The following ACAA1 variants were observed in gnomAD, a reference collection of about 807,000 sequenced individuals.
ACAA1 encodes 3-ketoacyl-CoA thiolase, peroxisomal.
ACAA1 carries 44 observed loss-of-function variants against 48.8 expected under a neutral mutation model. The ratio of observed to expected loss-of-function variants is 0.90; its 90% CI spans 0.71 to 1.16. ACAA1 has a LOEUF of 1.16. ACAA1 is among the 50% of genes most tolerant of loss of function. ACAA1 has a pLI of 0.00. For synonymous variants in ACAA1, 233 were observed against 226.5 expected (o/e 1.03, Z -0.26); for missense variants, 512 against 562.3 (o/e 0.91, Z 0.90).
chr3:38,126,206 C>G lies in ACAA1; in HGVS notation c.953G>C (p.Gly318Ala). 1 of 1,614,198 alleles carries G rather than the reference C, an allele frequency of 6.2e-7. No homozygotes were observed. Among genetic ancestry groups the G allele is most frequent in the South Asian group, 1.1e-5 (1 of 91,088 alleles). ...TGGGATGGCATAGGCAGGTCCAATG[C>G]CCATGATGTCAGGTGGGACCCCAAC... Reference protein sequence around the residue: ...AVVGVPPDIMGIGPAYAIPVA... With the variant: ...AVVGVPPDIMAIGPAYAIPVA... Residue 318 changes from glycine to alanine, a missense_variant, in exon 9 of 12, where the codon GGC (glycine) becomes GCC (alanine). Physicochemically the swap from Gly to Ala is moderately conservative, Grantham distance 60. Transcript: ENST00000333167. The surrounding 1 kb of genome is among the most constrained non-coding windows in gnomAD (Gnocchi z 4.7).
In ACAA1 at chr3:38,136,660, G is replaced by T. The variant is rs746937159; in HGVS notation, c.197C>A (p.Ser66Ter). 1.2e-6 allele frequency: 2 copies of T among 1,613,526 alleles called. No homozygotes were observed. The highest frequency in any genetic ancestry group is 1.7e-5 in the Admixed American group (1 of 59,972). Residue 66 changes from serine to a stop codon, truncating the protein, a stop_gained, in exon 2 of 12, where the codon TCG becomes TAG. Coordinates refer to ENST00000333167, the MANE Select transcript of ACAA1 (RefSeq NM_001607.4). LOFTEE classifies it high-confidence loss of function. ...CTTGAGAACCGCGGTCATGACTGCC[G>T]AGAGAAGCTCGTCGGGGGTGGTGTC... is the stretch of plus-strand genomic sequence containing the variant. ...FKDTTPDELL[S>*]AVMTAVLKDV...
At chr3:38,135,943 G>C (rs184671874) in intron 2 of ACAA1, among the ~76,000 whole-genome samples, 3 of 152,182 alleles carry the variant, frequency 2.0e-5, no homozygotes, top group Non-Finnish European at 4.4e-5. Context: ...AATCTCAGTG[G>C]GGGGAAACCT....
intron 11 of ACAA1, chr3:38,124,726 A>G (rs1273723928): frequency 6.6e-6 from 1 of 152,220 alleles, no homozygotes; most frequent in Non-Finnish European, 1.5e-5. Flanking sequence ...TTTACTGAGG[A>G]AGTTTCAACA....
chr3:38,134,363 C>T, intron 2 of ACAA1: 1 of 422,496 alleles, frequency 2.4e-6, no homozygotes, highest in Non-Finnish European at 4.5e-6. Flanking sequence ...GCTGTCACCC[C>T]AGAGAGGTGG....
At chr3:38,133,649 G>C (rs573399621) in intron 3 of ACAA1, 27 of 405,876 alleles carry the variant, frequency 6.7e-5, no homozygotes, top group South Asian at 3.4e-4. Context: ...ATTCTTACTT[G>C]ATTACTCACC....
intron 4 of ACAA1, 101 bp from the exon 5 acceptor site, chr3:38,131,739 C>T (rs763872514): frequency 7.1e-7 from 1 of 1,418,048 alleles, no homozygotes; most frequent in Admixed American, 1.7e-5. Flanking sequence ...GACTCAGCCC[C>T]AGCCTCAGAA....
chr3:38,129,866 C>A lies in ACAA1; in HGVS notation c.447-478G>T, dbSNP rs1242529986. 6.6e-6 allele frequency among the ~76,000 whole-genome samples: 1 copy of A among 152,090 alleles called. No homozygotes were observed. Among genetic ancestry groups the A allele is most frequent in the East Asian group, 1.9e-4 (1 of 5,176 alleles). On this transcript the variant is annotated intron_variant, in intron 5 of 11. Transcript: ENST00000333167. This position sits in a 1 kb window ranked among gnomAD's most constrained non-coding sequence, Gnocchi z 5.3. Reference sequence around the variant, plus strand: ...CAAGGCGGGCAGATCATGAGGCTAACATGGTGAAACCCCGCCTCTACTAAA... The same window carrying A: ...CAAGGCGGGCAGATCATGAGGCTAAAATGGTGAAACCCCGCCTCTACTAAA...
rs922876523 is a variant in ACAA1 at position 38,136,900 on chromosome 3, T to C, written c.136A>G (p.Thr46Ala). ...ADVVVVHGRRTAICRAGRGGF... is the reference protein window; with the variant it reads ...ADVVVVHGRRAAICRAGRGGF... ...CCGCGGCCCGCCCGGCAGATGGCCGTGCGCCGCCCGTGCACCACCACCACG... is the reference window on the plus strand; with the variant it reads ...CCGCGGCCCGCCCGGCAGATGGCCGCGCGCCGCCCGTGCACCACCACCACG... The change falls in exon 1 of 12, where the codon ACG (threonine) becomes GCG (alanine). Residue 46 changes from threonine to alanine, a missense_variant. Coordinates refer to ENST00000333167, the MANE Select transcript of ACAA1 (RefSeq NM_001607.4). 6.5e-7 allele frequency: 1 copy of C among 1,533,586 alleles called. No homozygotes were observed. Among genetic ancestry groups the C allele is most frequent in the Non-Finnish European group, 8.7e-7 (1 of 1,143,996 alleles). 95.0% of individuals were successfully genotyped at this position (1,533,586 alleles called of 1,614,324 possible). A position where few individuals can be genotyped will look rare whatever the true frequency, so the allele number is the denominator to read the frequency against.
At chr3:38,133,479 A>G (rs1274500303) in intron 3 of ACAA1, 1 of 156,112 alleles carries the variant, frequency 6.4e-6, no homozygotes, top group African/African-American at 2.4e-5. Context: ...AAATAATTTA[A>G]GCACTCTTTA....
rs766757716 is a variant in ACAA1 at position 38,125,678 on chromosome 3, G to C, written c.1086C>G (p.Pro362=). The change falls in exon 11 of 12, where the codon CCC becomes CCG. Residue 362 remains proline (P), a synonymous_variant. Coordinates refer to ENST00000333167, the MANE Select transcript of ACAA1 (RefSeq NM_001607.4). The stretch of plus-strand genomic sequence containing the variant: ...CCCCCAGGGGGTTCACCTTCTCAGG[G>C]GGGAGTCGTAGCTTCTCCACACAGT... The part of the protein sequence containing the change: ...AAYCVEKLRL[P]PEKVNPLGGA... The C allele has an allele frequency of 5.0e-6, 8 of 1,599,998 alleles. No individual in the cohort carries two copies. The highest frequency in any genetic ancestry group is 4.5e-5 in the East Asian group (2 of 44,770).
Position 38,136,647 on chromosome 3 carries a change from G to T in ACAA1, c.210C>A (p.Thr70=). The T allele has an allele frequency of 6.2e-7, 1 of 1,613,886 alleles. No homozygotes were observed. The highest frequency in any genetic ancestry group is 8.5e-7 in the Non-Finnish European group (1 of 1,179,918). Reference sequence around the variant, plus strand: ...TCAGATTCACGTCCTTGAGAACCGCGGTCATGACTGCCGAGAGAAGCTCGT... The same window carrying T: ...TCAGATTCACGTCCTTGAGAACCGCTGTCATGACTGCCGAGAGAAGCTCGT... The part of the protein sequence containing the change: ...TPDELLSAVM[T]AVLKDVNLRP... Residue 70 remains threonine, a synonymous_variant, in exon 2 of 12, where the codon ACC becomes ACA. Coordinates refer to ENST00000333167, the MANE Select transcript of ACAA1 (RefSeq NM_001607.4).
Position 38,129,344 on chromosome 3 carries a change from A to T in ACAA1, c.491T>A (p.Ile164Asn), listed in dbSNP as rs754795142. Residue 164 changes from isoleucine (I) to asparagine (N), a missense_variant, in exon 6 of 12, where the codon ATT becomes AAT. Transcript: ENST00000333167. The surrounding 1 kb of genome is among the most constrained non-coding windows in gnomAD (Gnocchi z 5.3). ...CTCCTTCTCCATCAAGCGCGAAGTA[A>T]TATTTCCAGGGTTCCCTCTGTCAGC... Reference protein sequence around the residue: ...SLADRGNPGNITSRLMEKEKA... With the variant: ...SLADRGNPGNNTSRLMEKEKA... 7 of 1,614,138 alleles carry T rather than the reference A, an allele frequency of 4.3e-6. No homozygotes were observed. The South Asian group carries it at 7.7e-5, about 18-fold the overall frequency.
chr3:38,123,033 G>T lies in ACAA1; in HGVS notation c.*14C>A. Reference sequence around the variant, plus strand: ...CAGGACTGTCTGCGTAGCGCCTCCAGCCTGGGACCTCACTCAGTTCCCAGG... The same window carrying T: ...CAGGACTGTCTGCGTAGCGCCTCCATCCTGGGACCTCACTCAGTTCCCAGG... On this transcript the variant is annotated 3_prime_UTR_variant, in exon 12 of 12. Coordinates refer to ENST00000333167, the MANE Select transcript of ACAA1 (RefSeq NM_001607.4). 1 of 1,613,530 alleles carries T rather than the reference G, an allele frequency of 6.2e-7. No homozygotes were observed. Among genetic ancestry groups the T allele is most frequent in the South Asian group, 1.1e-5 (1 of 91,056 alleles).
In ACAA1 at chr3:38,122,823, C is replaced by A. The variant is rs1008199188; in HGVS notation, c.*224G>T. On this transcript the variant is annotated 3_prime_UTR_variant, in exon 12 of 12. Transcript: ENST00000333167. ...CCTGGGTGACCCAGGCTGCTTTTAT[C>A]TTGCACAGCTAAAGAGGGTCTGATG... 3.5e-6 allele frequency: 3 copies of A among 863,278 alleles called. No homozygotes were observed. Among genetic ancestry groups the A allele is most frequent in the Middle Eastern group, 7.2e-4 (2 of 2,772 alleles). The allele number at this position is 863,278 out of a possible 1,614,324, so 53.5% of individuals were successfully genotyped here.
At position 38,136,984 on chromosome 3, in the gene ACAA1, C is replaced by G; in HGVS notation, c.52G>C (p.Gly18Arg). 1.3e-6 allele frequency: 2 copies of G among 1,561,288 alleles called. No individual in the cohort carries two copies. The highest frequency in any genetic ancestry group is 1.7e-6 in the Non-Finnish European group (2 of 1,155,224). ...CAAGGCGCGGCCTGCGGCATCCAGC[C>G]GGAATCGGCCGGACCCCTCAGGTGG... ...LGHLRGPADS[G>R]WMPQAAPCLS... The change falls in exon 1 of 12, where the codon GGC (glycine) becomes CGC (arginine). Residue 18 changes from glycine to arginine, a missense_variant. Coordinates refer to ENST00000333167, the MANE Select transcript of ACAA1 (RefSeq NM_001607.4).
intron 2 of ACAA1, among the ~76,000 whole-genome samples, chr3:38,135,806 C>T (rs1392819819): frequency 6.6e-6 from 1 of 151,986 alleles, no homozygotes; most frequent in Non-Finnish European, 1.5e-5. Flanking sequence ...TCCTCAGCAC[C>T]GACCCTTTAC....
chr3:38,135,117 C>T (rs927503067), intron 2 of ACAA1: 1 of 152,218 alleles, frequency 6.6e-6, no homozygotes, highest in African/African-American at 2.4e-5. Context: ...AAAAATCTAG[C>T]CTACATGCAC....
intron 2 of ACAA1, chr3:38,134,393 G>C (rs1180020086): frequency 4.7e-6 from 2 of 429,498 alleles, no homozygotes; most frequent in Non-Finnish European, 9.2e-6. Context: ...TGCCGACCTA[G>C]GGGTGGCATC....
intron 6 of ACAA1, among the ~76,000 whole-genome samples, 196 bp from the exon 7 acceptor site, chr3:38,128,062 C>T (rs1575260749): frequency 6.6e-6 from 1 of 152,200 alleles, no homozygotes; most frequent in Admixed American, 6.5e-5. Context: ...TATAAAGGCA[C>T]AGATAGGGAA....
Sources: allele counts gnomAD v4.1 joint callset (sites outside exome capture counted in the v4.1 genomes callset), GRCh38; gene constraint gnomAD v4.1.1; non-coding constraint Gnocchi (gnomAD v3.1); transcripts MANE v1.5; gene names NCBI Gene and HGNC (gene_info 2026-07-23, HGNC 2026-07-21).